Variants in ITIH2 observed in about 807,000 individuals in gnomAD.
ITIH2 encodes inter-alpha-trypsin inhibitor heavy chain 2.
ITIH2 carries 103 observed loss-of-function variants against 104.4 expected under a neutral mutation model. The ratio of observed to expected loss-of-function variants is 0.99; its 90% CI spans 0.84 to 1.16. The LOEUF is 1.16. Among genes scored for constraint, ITIH2 ranks in the 50% most tolerant of loss-of-function variants. The probability of loss-of-function intolerance (pLI) is 0.00; values close to 1 mark genes in which losing one functional copy is unlikely to be tolerated. For missense variants in ITIH2, 1,108 were observed against 1,162.4 expected, an observed-to-expected ratio of 0.95 and a Z score of 0.68; for synonymous variants, 436 against 435.4, an observed-to-expected ratio of 1.00 and a Z score of -0.02.
intron 4 of ITIH2, among the ~76,000 whole-genome samples, chr10:7,712,479 G>A (rs953899029): frequency 3.9e-5 from 6 of 152,142 alleles, no homozygotes; most frequent in Non-Finnish European, 5.9e-5. Flanking sequence ...CTCACAGAAT[G>A]ACCTGATGAA....
chr10:7,726,124 G>A (rs958433123), intron 9 of ITIH2, among the ~76,000 whole-genome samples: 5 of 152,144 alleles, frequency 3.3e-5, no homozygotes, highest in Admixed American at 2.0e-4. Flanking sequence ...ATGAAAACCC[G>A]AAAGGATTGG....
intron 9 of ITIH2, among the ~76,000 whole-genome samples, 185 bp downstream of exon 9, chr10:7,723,752 T>G (rs1304539054): frequency 6.6e-6 from 1 of 152,198 alleles, no homozygotes; most frequent in Non-Finnish European, 1.5e-5. Context: ...GACATACACC[T>G]CCGTCTTCTA....
At position 7,707,363 on chromosome 10, in the gene ITIH2, A is replaced by G. The variant is rs570930217; in HGVS notation, c.192+130A>G. The G allele has an allele frequency of 7.1e-5, 48 of 677,316 alleles. No homozygotes were observed. In the African/African-American group the frequency reaches 7.4e-4, roughly 10 times the overall value. 42.0% of individuals were successfully genotyped at this position (677,316 alleles called of 1,614,324 possible). A position where few individuals can be genotyped will look rare whatever the true frequency, so the allele number is the denominator to read the frequency against. On this transcript the variant is annotated intron_variant, in intron 3 of 20. Coordinates refer to ENST00000358415, the MANE Select transcript of ITIH2 (RefSeq NM_002216.3). ...GACTTTCGAAATACTGCCTTGCCCA[A>G]CTGTTTGCAAGTGTTTCTAAAATTC...
At chr10:7,741,017 T>C (rs1835118690) in intron 16 of ITIH2, among the ~76,000 whole-genome samples, 1 of 152,222 alleles carries the variant, frequency 6.6e-6, no homozygotes. Context: ...ACAGATTCAC[T>C]GTTGCCTATC....
At position 7,744,733 on chromosome 10, in the gene ITIH2, G is replaced by T. The variant is rs144371663; in HGVS notation, c.2409-58G>T. 2.7e-4 allele frequency: 398 copies of T among 1,447,438 alleles called. No homozygotes were observed. The African/African-American group carries it at 5.2e-3, about 19-fold the overall frequency. 89.7% of individuals were successfully genotyped at this position (1,447,438 alleles called of 1,614,324 possible). A position where few individuals can be genotyped will look rare whatever the true frequency, so the allele number is the denominator to read the frequency against. Reference sequence around the variant, plus strand: ...AGTTCATATTAGGGGTGAGAAGAATGACTTTCTCAAAAGGTCTGTTCTGGA... The same window carrying T: ...AGTTCATATTAGGGGTGAGAAGAATTACTTTCTCAAAAGGTCTGTTCTGGA... On this transcript the variant is annotated intron_variant, in intron 18 of 20. Transcript: ENST00000358415.
intron 5 of ITIH2, among the ~76,000 whole-genome samples, chr10:7,715,047 G>A (rs1834834761): frequency 1.3e-5 from 2 of 152,172 alleles, no homozygotes; most frequent in Non-Finnish European, 2.9e-5. Context: ...ATTCAGCCAG[G>A]TAGAGAATGG....
chr10:7,748,099 C>T (rs1456735232), intron 20 of ITIH2, among the ~76,000 whole-genome samples: 2 of 151,390 alleles, frequency 1.3e-5, no homozygotes, highest in South Asian at 4.2e-4. Context: ...TTCCCAGCTA[C>T]TCGGGAGGCT....
chr10:7,744,250 G>C lies in ITIH2; in HGVS notation c.2378G>C (p.Trp793Ser), dbSNP rs1835154391. ...SHGSSTFSLS[W>S]SDTAQVTNQR... Reference sequence around the variant, plus strand: ...GGTTCTAGCACATTCTCCTTGTCCTGGTCCGACACGGCTCAAGTCACGAAT... The same window carrying C: ...GGTTCTAGCACATTCTCCTTGTCCTCGTCCGACACGGCTCAAGTCACGAAT... The change falls in exon 18 of 21, where the codon TGG (tryptophan) becomes TCG (serine). Residue 793 changes from tryptophan (W) to serine (S), a missense_variant. Transcript: ENST00000358415. 6.2e-7 allele frequency: 1 copy of C among 1,613,842 alleles called. No individual in the cohort carries two copies. The highest frequency in any genetic ancestry group is 1.3e-5 in the African/African-American group (1 of 74,888).
intron 14 of ITIH2, 91 bp from the exon 15 acceptor site, chr10:7,734,831 C>T: frequency 8.7e-7 from 1 of 1,155,704 alleles, no homozygotes; most frequent in Non-Finnish European, 1.2e-6. Context: ...GGTTGGACCC[C>T]AGCAGTGGTG....
Position 7,709,157 on chromosome 10 carries a change from A to T in ITIH2, c.328A>T (p.Ile110Phe). ...TCAGAATGTCGTGTTTGATGTTCAG[A>T]TCCCCAAAGGAGCATTCATTTCCAA... ...QPQNVVFDVQ[I>F]PKGAFISNFS... Residue 110 changes from isoleucine (I) to phenylalanine (F), a missense_variant, in exon 4 of 21, where the codon ATC (isoleucine) becomes TTC (phenylalanine). By Grantham distance (21) the Ile-to-Phe change is conservative. Transcript: ENST00000358415. The T allele has an allele frequency of 6.2e-7, 1 of 1,614,156 alleles. No homozygotes were observed. Among genetic ancestry groups the T allele is most frequent in the Non-Finnish European group, 8.5e-7 (1 of 1,180,018 alleles).
At chr10:7,731,062 GCATGTGCCAC>G (rs1479860369) in intron 12 of ITIH2, among the ~76,000 whole-genome samples, 2 of 152,088 alleles carry the variant, frequency 1.3e-5, no homozygotes, top group Admixed American at 6.5e-5. Flanking sequence ...AGGATTACAG[GCATGTGCCAC>G]CAGGCCCGGC....
At chr10:7,723,612 T>C (rs1431244323) in intron 9 of ITIH2, 45 bp downstream of exon 9, 1 of 1,152,824 alleles carries the variant, frequency 8.7e-7, no homozygotes, top group Non-Finnish European at 1.3e-6. Context: ...TTCCCTATCT[T>C]CTTTGATCCC....
intron 5 of ITIH2, among the ~76,000 whole-genome samples, chr10:7,716,024 G>C (rs1207835827): frequency 6.6e-6 from 1 of 151,116 alleles, no homozygotes; most frequent in Non-Finnish European, 1.5e-5. Flanking sequence ...CACCACGCCC[G>C]GCTAATTTTT....
intron 14 of ITIH2, among the ~76,000 whole-genome samples, chr10:7,732,713 TTTTTA>T (rs571703282): frequency 2.6e-5 from 4 of 152,064 alleles, no homozygotes; most frequent in East Asian, 1.9e-4. Flanking sequence ...AATTTTTTAA[TTTTTA>T]TTTTATTTAT....
chr10:7,712,002 G>A (rs1834800356), intron 4 of ITIH2, among the ~76,000 whole-genome samples: 1 of 152,170 alleles, frequency 6.6e-6, no homozygotes, highest in Admixed American at 6.5e-5. Flanking sequence ...ATAGAAGACA[G>A]AGGTCCCCAA....
intron 19 of ITIH2, 67 bp downstream of exon 19, chr10:7,745,030 A>C (rs998751361): frequency 1.4e-6 from 2 of 1,393,290 alleles, no homozygotes; most frequent in Non-Finnish European, 1.0e-6. Context: ...TTTGGTTGAC[A>C]GTGGTTACAA....
chr10:7,723,794 C>T (rs1430873578), intron 9 of ITIH2, among the ~76,000 whole-genome samples: 2 of 152,170 alleles, frequency 1.3e-5, no homozygotes, highest in Non-Finnish European at 2.9e-5. Context: ...TCCCTTCCTT[C>T]TCTTCTTCCT....
chr10:7,715,217 C>T (rs1247485864), intron 5 of ITIH2, among the ~76,000 whole-genome samples: 1 of 151,958 alleles, frequency 6.6e-6, no homozygotes, highest in Non-Finnish European at 1.5e-5. Context: ...GGTCAGGAGA[C>T]CGAGACCATC....
intron 14 of ITIH2, among the ~76,000 whole-genome samples, chr10:7,733,696 A>AT (rs1242789945): frequency 6.6e-6 from 1 of 152,192 alleles, no homozygotes; most frequent in Non-Finnish European, 1.5e-5. Context: ...CCCCAGAGCA[A>AT]TGGATGGTTG....
Sources: allele counts gnomAD v4.1 joint callset (sites outside exome capture counted in the v4.1 genomes callset), GRCh38; gene constraint gnomAD v4.1.1; transcripts MANE v1.5; gene names NCBI Gene and HGNC (gene_info 2026-07-23, HGNC 2026-07-21).